CHCHD6: variants seen among roughly 807,000 people sequenced by gnomAD.
CHCHD6 encodes coiled-coil-helix-coiled-coil-helix domain containing 6.
Under a neutral mutation model 32.3 loss-of-function variants are expected in CHCHD6, and 28 were observed. The ratio of observed to expected loss-of-function variants is 0.87; its 90% confidence interval spans 0.64 to 1.19. The LOEUF is 1.19. CHCHD6 is among the 50% of genes most tolerant of loss of function. The probability of loss-of-function intolerance (pLI) is 0.00; values close to 1 mark genes in which losing one functional copy is unlikely to be tolerated. For missense variants in CHCHD6, 333 were observed against 307.0 expected (o/e 1.08, Z -0.63); for synonymous variants, 122 against 117.5 (o/e 1.04, Z -0.25).
chr3:126,760,695 C>T (rs188508686), intron 4 of CHCHD6, among the ~76,000 whole-genome samples: 1 of 152,350 alleles, frequency 6.6e-6, no homozygotes, highest in East Asian at 1.9e-4. Context: ...TAAAGCTAAA[C>T]AATAGTCCAT....
At chr3:126,710,866 C>T (rs1405710613) in intron 1 of CHCHD6, among the ~76,000 whole-genome samples, 3 of 151,998 alleles carry the variant, frequency 2.0e-5, no homozygotes, top group Admixed American at 6.5e-5. Context: ...CAAGTAGGAT[C>T]ATGTTGTTTA....
chr3:126,945,394 C>A (rs1042500777), intron 6 of CHCHD6, among the ~76,000 whole-genome samples: 7 of 151,754 alleles, frequency 4.6e-5, no homozygotes, highest in African/African-American at 1.7e-4. Flanking sequence ...CAGCAAGGAG[C>A]CAGGCTGGAG....
intron 2 of CHCHD6, 91 bp downstream of exon 2, chr3:126,727,277 C>T (rs1314927018): frequency 2.4e-6 from 2 of 827,364 alleles, no homozygotes; most frequent in South Asian, 3.6e-5. Context: ...GCGCACAGGG[C>T]TCAGGTTGGC....
At chr3:126,942,198 G>C (rs1449646630) in intron 6 of CHCHD6, among the ~76,000 whole-genome samples, 1 of 152,180 alleles carries the variant, frequency 6.6e-6, no homozygotes, top group Non-Finnish European at 1.5e-5. Context: ...GAGGCCACCT[G>C]TCCTACCACT....
At chr3:126,863,179 TCCC>T (rs1269430268) in intron 5 of CHCHD6, among the ~76,000 whole-genome samples, 6 of 106,562 alleles carry the variant, frequency 5.6e-5, no homozygotes, top group Non-Finnish European at 8.0e-5. Flanking sequence ...CATCACCACC[TCCC>T]CCTCCTCCAC....
intron 5 of CHCHD6, among the ~76,000 whole-genome samples, chr3:126,904,073 T>G (rs2077970750): frequency 6.6e-6 from 1 of 152,226 alleles, no homozygotes; most frequent in African/African-American, 2.4e-5. Context: ...GTTTCTTCCA[T>G]GAAGTTTTTC....
intron 4 of CHCHD6, among the ~76,000 whole-genome samples, chr3:126,820,861 G>A (rs921933787): frequency 3.3e-5 from 5 of 152,186 alleles, no homozygotes; most frequent in Non-Finnish European, 5.9e-5. Context: ...GAGATGCAGT[G>A]TACTGTTCAT....
chr3:126,787,274 G>C (rs1313183784), intron 4 of CHCHD6, among the ~76,000 whole-genome samples: 1 of 152,108 alleles, frequency 6.6e-6, no homozygotes, highest in Non-Finnish European at 1.5e-5. Flanking sequence ...CTCCAGCTTT[G>C]TTCTTTTGGC....
chr3:126,864,790 T>A (rs1432768912), intron 5 of CHCHD6, among the ~76,000 whole-genome samples: 1 of 135,244 alleles, frequency 7.4e-6, no homozygotes, highest in Admixed American at 7.3e-5. Context: ...CACCATCACC[T>A]CCTCCTCCAC....
intron 5 of CHCHD6, among the ~76,000 whole-genome samples, chr3:126,882,270 G>C (rs544816941): frequency 1.3e-5 from 2 of 152,140 alleles, no homozygotes; most frequent in African/African-American, 4.8e-5. Flanking sequence ...CTCCCTCTCC[G>C]CCTTGCCTCA....
At chr3:126,931,377 A>T (rs2078403166) in intron 6 of CHCHD6, among the ~76,000 whole-genome samples, 1 of 152,018 alleles carries the variant, frequency 6.6e-6, no homozygotes, top group South Asian at 2.1e-4. Flanking sequence ...GGCTGGTGGG[A>T]TGTGCTTGCT....
At chr3:126,867,980 T>C (rs1027578897) in intron 5 of CHCHD6, among the ~76,000 whole-genome samples, 1 of 152,230 alleles carries the variant, frequency 6.6e-6, no homozygotes, top group Admixed American at 6.5e-5. Flanking sequence ...GGCTCTGTGA[T>C]CTGGGCCCTG....
At chr3:126,870,690 A>G (rs1297050086) in intron 5 of CHCHD6, among the ~76,000 whole-genome samples, 1 of 152,132 alleles carries the variant, frequency 6.6e-6, no homozygotes, top group East Asian at 1.9e-4. Flanking sequence ...CTGTTTTTGG[A>G]CCTGAGCACA....
At chr3:126,803,078 AG>A (rs1939163680) in intron 4 of CHCHD6, among the ~76,000 whole-genome samples, 2 of 152,234 alleles carry the variant, frequency 1.3e-5, no homozygotes, top group South Asian at 4.1e-4. Context: ...AAACGTGGAA[AG>A]GAACAACTAG....
chr3:126,728,015 G>A (rs1007059788), intron 2 of CHCHD6, among the ~76,000 whole-genome samples: 3 of 151,126 alleles, frequency 2.0e-5, no homozygotes, highest in African/African-American at 7.3e-5. Context: ...ATGCCACCAC[G>A]GAAGGACCGA....
At chr3:126,943,229 T>G (rs2078587981) in intron 6 of CHCHD6, among the ~76,000 whole-genome samples, 1 of 152,162 alleles carries the variant, frequency 6.6e-6, no homozygotes. Flanking sequence ...CCACTCCCTG[T>G]GACTTCTGCT....
At chr3:126,746,939 A>T (rs572831330) in intron 4 of CHCHD6, among the ~76,000 whole-genome samples, 1 of 152,248 alleles carries the variant, frequency 6.6e-6, no homozygotes, top group South Asian at 2.1e-4. Flanking sequence ...CTCTGCTGGC[A>T]CCAAGGACAG....
At chr3:126,946,886 G>A (rs890851577) in intron 6 of CHCHD6, among the ~76,000 whole-genome samples, 6 of 152,212 alleles carry the variant, frequency 3.9e-5, no homozygotes, top group Non-Finnish European at 8.8e-5. Flanking sequence ...GTATCAGGAG[G>A]ACATATAATA....
intron 4 of CHCHD6, among the ~76,000 whole-genome samples, chr3:126,772,989 C>T (rs569740306): frequency 6.6e-6 from 1 of 151,928 alleles, no homozygotes; most frequent in Admixed American, 6.5e-5. Flanking sequence ...ACTTATGAAG[C>T]TTAGTTTGGC....
Sources: gnomAD v4.1 joint callset for allele counts (sites outside exome capture counted in the v4.1 genomes callset) on GRCh38, gnomAD v4.1.1 for gene constraint, MANE v1.5 for transcripts, NCBI Gene and HGNC (gene_info 2026-07-23, HGNC 2026-07-21) for gene names.